CPNE4: variants seen among roughly 807,000 people sequenced by gnomAD.
CPNE4 encodes the protein copine-4.
A neutral mutation model predicts 67.9 loss-of-function variants in CPNE4; 25 were observed. That is an observed-to-expected ratio of 0.37 (90% CI 0.27 to 0.51). The LOEUF is 0.51. Ranked by LOEUF, CPNE4 falls within the 20% of genes least tolerant of loss-of-function variation. CPNE4 has a pLI of 0.93. For synonymous variants in CPNE4, 242 were observed against 244.9 expected, an observed-to-expected ratio of 0.99 and a Z score of 0.11; for missense variants, 464 against 690.8, an observed-to-expected ratio of 0.67 and a Z score of 3.68.
At chr3:131,654,442 T>A (rs988003055) in intron 7 of CPNE4, among the ~76,000 whole-genome samples, 7 of 152,080 alleles carry the variant, frequency 4.6e-5, no homozygotes, top group Non-Finnish European at 7.4e-5. Flanking sequence ...TGTTCCCCTC[T>A]TTGTGTCCAC....
At chr3:131,856,253 TATAAAAAC>T (rs1338664452) in intron 2 of CPNE4, among the ~76,000 whole-genome samples, 1 of 151,926 alleles carries the variant, frequency 6.6e-6, no homozygotes, top group Admixed American at 6.6e-5. Context: ...GGTTTATGTT[TATAAAAAC>T]ATAAACCATG....
intron 2 of CPNE4, among the ~76,000 whole-genome samples, chr3:131,858,838 A>G (rs2086560011): frequency 6.6e-6 from 1 of 152,162 alleles, no homozygotes; most frequent in East Asian, 1.9e-4. Context: ...ATTTGACATC[A>G]GGCAACTCTC....
intron 2 of CPNE4, among the ~76,000 whole-genome samples, chr3:131,890,212 A>G (rs909757267): frequency 6.6e-6 from 1 of 152,090 alleles, no homozygotes; most frequent in Non-Finnish European, 1.5e-5. Context: ...TTTCTAAAAT[A>G]TATAATAAAC....
intron 2 of CPNE4, among the ~76,000 whole-genome samples, chr3:131,724,866 G>A (rs1048807686): frequency 6.6e-6 from 1 of 151,996 alleles, no homozygotes; most frequent in Non-Finnish European, 1.5e-5. Context: ...GATCCTTATC[G>A]CTAAGGCTCT....
chr3:131,625,375 C>T (rs2079048952), intron 7 of CPNE4, among the ~76,000 whole-genome samples: 1 of 152,078 alleles, frequency 6.6e-6, no homozygotes, highest in Non-Finnish European at 1.5e-5. Context: ...TTGAAGGAAG[C>T]ACCATTATTT....
chr3:131,966,787 A>G (rs2072363392), intron 1 of CPNE4, among the ~76,000 whole-genome samples: 1 of 152,194 alleles, frequency 6.6e-6, no homozygotes, highest in African/African-American at 2.4e-5. Flanking sequence ...TCACAGCTGG[A>G]CTCTACCAGA....
chr3:131,775,359 G>A (rs1325843300), intron 2 of CPNE4, among the ~76,000 whole-genome samples: 1 of 152,054 alleles, frequency 6.6e-6, no homozygotes, highest in Admixed American at 6.6e-5. Context: ...ATCTTTGGTG[G>A]GGTAGAATTT....
chr3:131,786,949 G>C (rs2083581101), intron 2 of CPNE4, among the ~76,000 whole-genome samples: 1 of 152,156 alleles, frequency 6.6e-6, no homozygotes, highest in African/African-American at 2.4e-5. Flanking sequence ...GTTAGCACCA[G>C]CACATGCTCT....
chr3:131,938,430 T>G (rs2071290106), intron 1 of CPNE4, among the ~76,000 whole-genome samples: 1 of 151,914 alleles, frequency 6.6e-6, no homozygotes, highest in South Asian at 2.1e-4. Flanking sequence ...TAGGGAGACT[T>G]AATATAATAA....
intron 10 of CPNE4, among the ~76,000 whole-genome samples, chr3:131,574,411 T>C (rs1937490621): frequency 6.6e-6 from 1 of 152,080 alleles, no homozygotes; most frequent in Non-Finnish European, 1.5e-5. Flanking sequence ...TTGACCTACC[T>C]AGGCACTTTA....
At chr3:131,763,040 T>C (rs1264738525) in intron 2 of CPNE4, among the ~76,000 whole-genome samples, 3 of 151,936 alleles carry the variant, frequency 2.0e-5, no homozygotes, top group African/African-American at 7.3e-5. Flanking sequence ...AAAAAAACAA[T>C]CTTTTCTATA....
At chr3:131,902,599 G>T (rs1488787480) in intron 2 of CPNE4, among the ~76,000 whole-genome samples, 2 of 152,100 alleles carry the variant, frequency 1.3e-5, no homozygotes, top group Non-Finnish European at 2.9e-5. Flanking sequence ...TTGTAGCAAT[G>T]TGAGGAAAAG....
chr3:131,832,907 C>G (rs1410013767), intron 2 of CPNE4, among the ~76,000 whole-genome samples: 1 of 152,134 alleles, frequency 6.6e-6, no homozygotes, highest in Non-Finnish European at 1.5e-5. Flanking sequence ...AGACTGACTG[C>G]TATAGACTGT....
chr3:131,928,064 G>A (rs946920945), intron 1 of CPNE4, among the ~76,000 whole-genome samples: 3 of 152,002 alleles, frequency 2.0e-5, no homozygotes, highest in South Asian at 2.1e-4. Flanking sequence ...TTAGCATTGC[G>A]AATTTTGGTA....
At chr3:131,723,324 C>T (rs1212351728) in intron 3 of CPNE4, 122 bp downstream of exon 3, 2 of 846,606 alleles carry the variant, frequency 2.4e-6, no homozygotes, top group South Asian at 1.8e-5. Flanking sequence ...TAAAATGCTG[C>T]ATGTTAAAGA....
At chr3:131,713,285 C>A (rs2081603743) in intron 3 of CPNE4, among the ~76,000 whole-genome samples, 2 of 152,298 alleles carry the variant, frequency 1.3e-5, no homozygotes, top group African/African-American at 4.8e-5. Flanking sequence ...CTAAATACAT[C>A]TTTTTATAAC....
At chr3:131,723,368 T>G in intron 3 of CPNE4, 78 bp downstream of exon 3, 2 of 1,291,124 alleles carry the variant, frequency 1.5e-6, no homozygotes, top group Non-Finnish European at 2.2e-6. Context: ...AAGGATTAGA[T>G]GAAGGAAGAG....
At chr3:131,876,822 C>G (rs1277097271) in intron 2 of CPNE4, among the ~76,000 whole-genome samples, 1 of 152,072 alleles carries the variant, frequency 6.6e-6, no homozygotes, top group Non-Finnish European at 1.5e-5. Context: ...TGCTAGGAAT[C>G]ACACAGCAAA....
rs772437388 is a variant in CPNE4, at chr3:131,905,433, A to T, written c.11T>A (p.Met4Lys). 1.2e-6 allele frequency: 2 copies of T among 1,612,530 alleles called. No individual in the cohort carries two copies. Among genetic ancestry groups the T allele is most frequent in the Admixed American group, 3.3e-5 (2 of 59,790 alleles). The change falls in exon 2 of 16, where the codon ATG becomes AAG. Residue 4 changes from methionine to lysine, a missense_variant. By Grantham distance (95) the Met-to-Lys change is moderately conservative. This residue lies in a region of CPNE4 where 170 missense variants were observed against 203.3 expected (regional missense o/e 0.84). Transcript: ENST00000429747. MKKMSNIYESAANT... is the reference protein window; with the variant it reads MKKKSNIYESAANT... ...GGCAGCGGACTCATAAATGTTGCTC[A>T]TCTTCTTCATTCTGTTTTAGGCAAG...
Sources: gnomAD v4.1 joint callset for allele counts (sites outside exome capture counted in the v4.1 genomes callset) on GRCh38, gnomAD v4.1.1 for gene constraint, gnomAD v4.1.1 regional missense constraint, MANE v1.5 for transcripts, NCBI Gene and HGNC (gene_info 2026-07-23, HGNC 2026-07-21) for gene names.